DTNB: variants seen among roughly 807,000 people sequenced by gnomAD.
The protein encoded by DTNB is dystrobrevin beta, also known as DTN-B.
In DTNB, 63 loss-of-function variants were observed where a neutral mutation model predicts 90.7. The observed-to-expected ratio is 0.69, with a 90% CI of 0.57 to 0.86. The LOEUF is 0.86. Among genes scored for constraint, DTNB ranks in the 40% least tolerant of loss-of-function variants. The pLI is 0.00. For synonymous variants in DTNB, 277 were observed against 286.7 expected (o/e 0.97, Z 0.34); for missense variants, 744 against 807.1 (o/e 0.92, Z 0.95).
chr2:25,664,982 T>A (rs1326072101), intron 1 of DTNB, among the ~76,000 whole-genome samples: 1 of 152,200 alleles, frequency 6.6e-6, no homozygotes, highest in African/African-American at 2.4e-5. Context: ...CTAAGTAGGA[T>A]CTGAAGAGAG....
intron 9 of DTNB, among the ~76,000 whole-genome samples, chr2:25,505,425 G>A (rs538713900): frequency 3.9e-5 from 6 of 152,234 alleles, no homozygotes; most frequent in African/African-American, 7.2e-5. Flanking sequence ...ACTTGATGAC[G>A]TGTTAGAAGG....
chr2:25,628,146 G>A (rs368190402), intron 4 of DTNB, 25 bp downstream of exon 4: 5 of 1,603,238 alleles, frequency 3.1e-6, no homozygotes, highest in East Asian at 2.2e-5. Context: ...AATGAAGTAA[G>A]CGTGTAAGGT....
chr2:25,508,265 A>C (rs1187836701), intron 9 of DTNB, among the ~76,000 whole-genome samples: 2 of 152,218 alleles, frequency 1.3e-5, no homozygotes, highest in African/African-American at 4.8e-5. Context: ...TTGCTGAATG[A>C]CTGATAAACA....
At chr2:25,525,042 T>C (rs2076830627) in intron 9 of DTNB, among the ~76,000 whole-genome samples, 1 of 152,220 alleles carries the variant, frequency 6.6e-6, no homozygotes, top group South Asian at 2.1e-4. Flanking sequence ...CAATGAAGAA[T>C]GAATTACTCG....
intron 19 of DTNB, among the ~76,000 whole-genome samples, chr2:25,380,284 C>T (rs2037262696): frequency 6.6e-6 from 1 of 152,150 alleles, no homozygotes; most frequent in Non-Finnish European, 1.5e-5. Flanking sequence ...CTCTGGTGTC[C>T]AGGTGACTGC....
chr2:25,420,927 C>A (rs1003239985), intron 15 of DTNB, among the ~76,000 whole-genome samples: 4 of 152,206 alleles, frequency 2.6e-5, no homozygotes, highest in Non-Finnish European at 4.4e-5. Context: ...TTCTTCAGTT[C>A]TTTGCTACTC....
At chr2:25,459,415 C>T (rs1216007707) in intron 10 of DTNB, among the ~76,000 whole-genome samples, 1 of 152,034 alleles carries the variant, frequency 6.6e-6, no homozygotes, top group Non-Finnish European at 1.5e-5. Flanking sequence ...TCCCTTTCAA[C>T]TCTCTTGTAG....
In DTNB at chr2:25,543,029, T is replaced by C. The variant is rs376075954; in HGVS notation, c.877-11432A>G. On this transcript the variant is annotated intron_variant, in intron 8 of 20. Coordinates refer to ENST00000406818, the MANE Select transcript of DTNB (RefSeq NM_021907.5). ...ACTTTTAATTTATATATCTGTAGAA[T>C]TGTTAATTTTGTCTTTTTATCTTTG... 2.1e-4 allele frequency among the ~76,000 whole-genome samples: 32 copies of C among 152,334 alleles called. 1 individual carries two copies. Among genetic ancestry groups the C allele is most frequent in the African/African-American group, 6.7e-4 (28 of 41,590 alleles).
At chr2:25,564,822 A>G (rs1288187651) in intron 8 of DTNB, among the ~76,000 whole-genome samples, 1 of 152,144 alleles carries the variant, frequency 6.6e-6, no homozygotes, top group African/African-American at 2.4e-5. Flanking sequence ...CAGATTGTTC[A>G]TTGTCAATAT....
chr2:25,641,506 T>G (rs940224091), intron 2 of DTNB, among the ~76,000 whole-genome samples: 1 of 152,122 alleles, frequency 6.6e-6, no homozygotes. Context: ...CAAGTGACCC[T>G]CCCACTTCAG....
intron 5 of DTNB, among the ~76,000 whole-genome samples, chr2:25,598,576 A>G (rs769308575): frequency 6.6e-6 from 1 of 152,220 alleles, no homozygotes; most frequent in Non-Finnish European, 1.5e-5. Flanking sequence ...TCTGACTCCA[A>G]AATAAATACC....
intron 3 of DTNB, among the ~76,000 whole-genome samples, chr2:25,632,809 A>T (rs2076061283): frequency 6.6e-6 from 1 of 152,240 alleles, no homozygotes; most frequent in African/African-American, 2.4e-5. Context: ...AACAGAAAAC[A>T]GGCTAAGACA....
At chr2:25,435,089 A>G (rs1189765066) in intron 12 of DTNB, among the ~76,000 whole-genome samples, 2 of 152,092 alleles carry the variant, frequency 1.3e-5, no homozygotes, top group Non-Finnish European at 2.9e-5. Context: ...GCATGATCTT[A>G]GTTCACTGCA....
intron 9 of DTNB, among the ~76,000 whole-genome samples, chr2:25,506,120 A>C (rs1462999726): frequency 1.3e-5 from 2 of 152,178 alleles, no homozygotes; most frequent in Non-Finnish European, 2.9e-5. Context: ...AATGATGGTC[A>C]CCCAGAGGCT....
intron 1 of DTNB, among the ~76,000 whole-genome samples, chr2:25,656,944 C>G (rs2082177613): frequency 6.6e-6 from 1 of 152,132 alleles, no homozygotes; most frequent in African/African-American, 2.4e-5. Context: ...GAGGCCGAGG[C>G]AGGCAGATCA....
At chr2:25,550,943 C>G (rs1455996897) in intron 8 of DTNB, among the ~76,000 whole-genome samples, 1 of 152,224 alleles carries the variant, frequency 6.6e-6, no homozygotes, top group East Asian at 1.9e-4. Flanking sequence ...AGCCACAGCA[C>G]CCAGCTGAGA....
chr2:25,634,008 C>A (rs1413848878), intron 3 of DTNB, among the ~76,000 whole-genome samples: 4 of 151,998 alleles, frequency 2.6e-5, no homozygotes, highest in Non-Finnish European at 5.9e-5. Flanking sequence ...AGGAGCCCCT[C>A]CGCCCGGCAG....
chr2:25,521,971 C>T (rs2076215681), intron 9 of DTNB, among the ~76,000 whole-genome samples: 1 of 152,202 alleles, frequency 6.6e-6, no homozygotes, highest in Admixed American at 6.5e-5. Context: ...TCTACACAAA[C>T]TGAAATGCAA....
At chr2:25,621,489 C>T (rs1212270196) in intron 4 of DTNB, among the ~76,000 whole-genome samples, 1 of 150,684 alleles carries the variant, frequency 6.6e-6, no homozygotes, top group East Asian at 1.9e-4. Flanking sequence ...TCTTATTGCC[C>T]AGGCTGAAGT....
Sources: gnomAD v4.1 joint callset for allele counts (sites outside exome capture counted in the v4.1 genomes callset) on GRCh38, gnomAD v4.1.1 for gene constraint, MANE v1.5 for transcripts, NCBI Gene and HGNC (gene_info 2026-07-23, HGNC 2026-07-21) for gene names.